The following CCND2 variants were observed in gnomAD, a reference collection of about 807,000 sequenced individuals.
CCND2 encodes the protein G1/S-specific cyclin-D2.
Under a neutral mutation model 30.2 loss-of-function variants are expected in CCND2, and 6 were observed. The observed-to-expected ratio is 0.20, with a 90% confidence interval of 0.11 to 0.39. The LOEUF (loss-of-function observed/expected upper bound fraction) is 0.39. Among genes scored for constraint, CCND2 ranks in the 10% least tolerant of loss-of-function variants. CCND2 has a pLI of 1.00. For synonymous variants in CCND2, 150 were observed against 153.1 expected (o/e 0.98, Z 0.15); for missense variants, 235 against 373.4 (o/e 0.63, Z 3.06).
chr12:4,294,224 G>A (rs1036610527), intron 4 of CCND2, among the ~76,000 whole-genome samples: 17 of 151,616 alleles, frequency 1.1e-4, no homozygotes, highest in South Asian at 2.1e-4. Flanking sequence ...CCCTTGTAAC[G>A]AGCTGAAGAT....
intron 4 of CCND2, among the ~76,000 whole-genome samples, chr12:4,292,578 G>A (rs1228558364): frequency 2.0e-5 from 3 of 152,124 alleles, no homozygotes; most frequent in South Asian, 2.1e-4. Flanking sequence ...TGAGAAAGTC[G>A]GCCTTTGTTG....
rs1391614452 is a variant in CCND2 at position 4,287,010 on chromosome 12, T to C, written c.572-1832T>C. 1.3e-5 allele frequency among the ~76,000 whole-genome samples: 2 copies of C among 151,976 alleles called. No homozygotes were observed. Among genetic ancestry groups the C allele is most frequent in the African/African-American group, 2.4e-5 (1 of 41,330 alleles). ...ACGAGGTTATTGGGCAGAGAAACAC[T>C]CTCCTGTGACCCATGTGGAAGAGAC... is the stretch of plus-strand genomic sequence containing the variant. On this transcript the variant is annotated intron_variant, in intron 3 of 4. Transcript: ENST00000261254. This position sits in a 1 kb window ranked among gnomAD's most constrained non-coding sequence, Gnocchi z 4.0.
chr12:4,289,337 G>C (rs1864065498), intron 4 of CCND2, among the ~76,000 whole-genome samples: 1 of 152,066 alleles, frequency 6.6e-6, no homozygotes, highest in South Asian at 2.1e-4. Flanking sequence ...GCAGCGAAGA[G>C]CTGCCGTGTC....
chr12:4,299,976 C>T lies in CCND2; in HGVS notation c.837C>T (p.Ser279=), dbSNP rs759962983. 6.8e-6 allele frequency: 11 copies of T among 1,614,070 alleles called. No homozygotes were observed. Among genetic ancestry groups the T allele is most frequent in the South Asian group, 6.6e-5 (6 of 91,064 alleles). Residue 279 remains serine, a synonymous_variant, in exon 5 of 5, where the codon AGC becomes AGT. Coordinates refer to ENST00000261254, the MANE Select transcript of CCND2 (RefSeq NM_001759.4). This position sits in a 1 kb window ranked among gnomAD's most constrained non-coding sequence, Gnocchi z 5.2. The stretch of plus-strand genomic sequence containing the variant: ...CGGAGGATGAACTGGACCAAGCCAG[C>T]ACCCCTACAGACGTGCGGGATATCG... The part of the protein sequence containing the change: ...SKSEDELDQA[S]TPTDVRDIDL
At chr12:4,289,048 G>T (rs1057063194) in intron 4 of CCND2, 58 bp downstream of exon 4, 17 of 1,483,966 alleles carry the variant, frequency 1.1e-5, no homozygotes, top group Non-Finnish European at 1.5e-5. Context: ...CTCAGGGAAG[G>T]AGACGACGGA....
In CCND2 at chr12:4,300,411, G is replaced by T. The variant is rs956116159; in HGVS notation, c.*402G>T. On this transcript the variant is annotated 3_prime_UTR_variant, in exon 5 of 5. Transcript: ENST00000261254. The stretch of plus-strand genomic sequence containing the variant: ...CACCCCCTTGTAGTATAATTTCAAG[G>T]AACTGTGTACGCCATTTATGGCATG... 1 of 241,980 alleles carries T rather than the reference G, an allele frequency of 4.1e-6. No homozygotes were observed. Among genetic ancestry groups the T allele is most frequent in the African/African-American group, 2.2e-5 (1 of 45,494 alleles). The allele number at this position is 241,980 out of a possible 1,614,324, so 15.0% of individuals were successfully genotyped here.
Position 4,299,787 on chromosome 12 carries a change from G to T in CCND2, c.721-73G>T, listed in dbSNP as rs372048788. 5 of 1,390,446 alleles carry T rather than the reference G, an allele frequency of 3.6e-6. No individual in the cohort carries two copies. In the African/African-American group the frequency reaches 4.3e-5, roughly 12 times the overall value. 86.1% of individuals were successfully genotyped at this position (1,390,446 alleles called of 1,614,324 possible). ...CACAGACTTATGCAAGCTAAATTAC[G>T]CATGTTTTCTCCGTAGGATGCTCTA... On this transcript the variant is annotated intron_variant, in intron 4 of 4. Coordinates refer to ENST00000261254, the MANE Select transcript of CCND2 (RefSeq NM_001759.4). The surrounding 1 kb of genome is among the most constrained non-coding windows in gnomAD (Gnocchi z 5.2).
intron 4 of CCND2, among the ~76,000 whole-genome samples, chr12:4,292,862 T>C (rs1042165315): frequency 2.6e-5 from 4 of 152,114 alleles, no homozygotes; most frequent in African/African-American, 9.7e-5. Flanking sequence ...TTCCTTGGGC[T>C]GAATCGGGGT....
rs374339169 is a variant in CCND2 at position 4,281,592 on chromosome 12, G to A, written c.571+2673G>A. ...GTCCTGGAGCTGATGAAACACCTGC[G>A]GCCAGGGTCTCGGAGGTCCACAGTG... is the stretch of plus-strand genomic sequence containing the variant. On this transcript the variant is annotated intron_variant, in intron 3 of 4. Transcript: ENST00000261254. 2.6e-5 allele frequency among the ~76,000 whole-genome samples: 4 copies of A among 152,000 alleles called. No individual in the cohort carries two copies. The East Asian group carries it at 5.8e-4, about 22-fold the overall frequency.
At chr12:4,290,470 G>T (rs1474792011) in intron 4 of CCND2, among the ~76,000 whole-genome samples, 1 of 152,212 alleles carries the variant, frequency 6.6e-6, no homozygotes, top group Non-Finnish European at 1.5e-5. Context: ...CTCCTTTTCT[G>T]AATGTCTCCA....
At chr12:4,296,840 A>C (rs1315282531) in intron 4 of CCND2, among the ~76,000 whole-genome samples, 1 of 152,226 alleles carries the variant, frequency 6.6e-6, no homozygotes, top group Non-Finnish European at 1.5e-5. Flanking sequence ...AAAAAAACAG[A>C]GAAAGAAGAA....
chr12:4,305,214 T>G lies in CCND2; in HGVS notation c.*5205T>G, dbSNP rs1864300632. 4.3e-6 allele frequency: 1 copy of G among 233,038 alleles called. No individual in the cohort carries two copies. Among genetic ancestry groups the G allele is most frequent in the Admixed American group, 5.6e-5 (1 of 17,766 alleles). 14.4% of individuals were successfully genotyped at this position (233,038 alleles called of 1,614,324 possible). A position where few individuals can be genotyped will look rare whatever the true frequency, so the allele number is the denominator to read the frequency against. On this transcript the variant is annotated 3_prime_UTR_variant, in exon 5 of 5. Transcript: ENST00000261254. This position sits in a 1 kb window ranked among gnomAD's most constrained non-coding sequence, Gnocchi z 6.4. ...TGACATGATATAGTCAGCTGCCTTT[T>G]AAGAGGTCTTATCTGTTCAGTGTTA...
chr12:4,278,775 G>T lies in CCND2; in HGVS notation c.427G>T (p.Val143Leu). ...TCCCCTCCAGGAGTGGGAACTGGTG[G>T]TGCTGGGGAAGTTGAAGTGGAACCT... Reference protein sequence around the residue: ...PQELLEWELVVLGKLKWNLAA... With the variant: ...PQELLEWELVLLGKLKWNLAA... The change falls in exon 3 of 5, where the codon GTG becomes TTG. Residue 143 changes from valine to leucine, a missense_variant. Physicochemically the swap from Val to Leu is conservative, Grantham distance 32. Coordinates refer to ENST00000261254, the MANE Select transcript of CCND2 (RefSeq NM_001759.4). 6.2e-7 allele frequency: 1 copy of T among 1,614,142 alleles called. No homozygotes were observed. The highest frequency in any genetic ancestry group is 8.5e-7 in the Non-Finnish European group (1 of 1,179,978).
intron 3 of CCND2, among the ~76,000 whole-genome samples, chr12:4,284,345 A>C (rs1335876200): frequency 6.6e-6 from 1 of 152,216 alleles, no homozygotes; most frequent in Non-Finnish European, 1.5e-5. Context: ...ATCTTCACAC[A>C]CTTGGTAGGT....
chr12:4,290,100 T>C (rs1864077747), intron 4 of CCND2, among the ~76,000 whole-genome samples: 1 of 152,154 alleles, frequency 6.6e-6, no homozygotes, highest in African/African-American at 2.4e-5. Flanking sequence ...TAAGGGATCA[T>C]GTGGTTTATA....
chr12:4,284,614 G>A (rs1447580523), intron 3 of CCND2, among the ~76,000 whole-genome samples: 1 of 152,150 alleles, frequency 6.6e-6, no homozygotes. Flanking sequence ...TGCACTCCAC[G>A]TTCCAGCTTG....
At position 4,274,070 on chromosome 12, in the gene CCND2, G is replaced by C. The variant is rs1335185877; in HGVS notation, c.30G>C (p.Pro10=). The C allele has an allele frequency of 1.2e-6, 2 of 1,612,854 alleles. No individual in the cohort carries two copies. Among genetic ancestry groups the C allele is most frequent in the Non-Finnish European group, 1.7e-6 (2 of 1,179,582 alleles). Residue 10 remains proline (P), a synonymous_variant, in exon 1 of 5, where the codon CCG becomes CCC. Coordinates refer to ENST00000261254, the MANE Select transcript of CCND2 (RefSeq NM_001759.4). The surrounding 1 kb of genome is among the most constrained non-coding windows in gnomAD (Gnocchi z 7.7). ...AGCTGCTGTGCCACGAGGTGGACCC[G>C]GTCCGCAGGGCCGTGCGGGACCGCA... MELLCHEVD[P]VRRAVRDRNL...
rs958255950 is a variant in CCND2, at chr12:4,276,202, C to T, written c.393C>T (p.Ile131=). The T allele has an allele frequency of 6.2e-7, 1 of 1,614,092 alleles. No homozygotes were observed. Among genetic ancestry groups the T allele is most frequent in the Non-Finnish European group, 8.5e-7 (1 of 1,179,958 alleles). ...EKLCIYTDNS[I]KPQELLEWEL... The stretch of plus-strand genomic sequence containing the variant: ...TGTGCATTTACACCGACAACTCCAT[C>T]AAGCCTCAGGAGCTGCTGGTAATGA... Residue 131 remains isoleucine, a synonymous_variant, in exon 2 of 5, where the codon ATC becomes ATT. Coordinates refer to ENST00000261254, the MANE Select transcript of CCND2 (RefSeq NM_001759.4). The surrounding 1 kb of genome is among the most constrained non-coding windows in gnomAD (Gnocchi z 4.8).
rs1327101048 is a variant in CCND2 at position 4,301,654 on chromosome 12, C to T, written c.*1645C>T. 1 of 223,430 alleles carries T rather than the reference C, an allele frequency of 4.5e-6. No homozygotes were observed. Among genetic ancestry groups the T allele is most frequent in the Non-Finnish European group, 8.8e-6 (1 of 113,522 alleles). The allele number at this position is 223,430 out of a possible 1,614,324, so 13.8% of individuals were successfully genotyped here. ...GACGGAAAACAATCTAAGGGTCTCT[C>T]ATTTTTTTAATTTTGTTTTGTTCAG... On this transcript the variant is annotated 3_prime_UTR_variant, in exon 5 of 5. Coordinates refer to ENST00000261254, the MANE Select transcript of CCND2 (RefSeq NM_001759.4).
Sources: allele counts gnomAD v4.1 joint callset (sites outside exome capture counted in the v4.1 genomes callset), GRCh38; gene constraint gnomAD v4.1.1; non-coding constraint Gnocchi (gnomAD v3.1); transcripts MANE v1.5; gene names NCBI Gene and HGNC (gene_info 2026-07-23, HGNC 2026-07-21).